The following SYNPO variants were observed in gnomAD, a reference collection of about 807,000 sequenced individuals.
SYNPO encodes the protein synaptopodin.
SYNPO carries 19 observed loss-of-function variants against 49.5 expected under a neutral mutation model. That is an observed-to-expected ratio of 0.38 (90% CI 0.27 to 0.56). The LOEUF (loss-of-function observed/expected upper bound fraction) is 0.56, where lower values mean the gene tolerates loss of function less well. SYNPO is among the 20% of genes least tolerant of loss of function. SYNPO has a pLI of 0.68. For missense variants in SYNPO, 1,131 were observed against 1,248.3 expected, an observed-to-expected ratio of 0.91 and a Z score of 1.42; for synonymous variants, 536 against 548.0, an observed-to-expected ratio of 0.98 and a Z score of 0.31.
At chr5:150,618,231 G>A in exon 2 of SYNPO, 1 of 1,108,150 alleles carries the variant, frequency 9.0e-7, no homozygotes, top group Non-Finnish European at 1.3e-6. Context: ...TGAATCAGCG[G>A]AGGAAGGCAA....
chr5:150,613,357 A>G (rs1248023506), intron 1 of SYNPO, among the ~76,000 whole-genome samples: 2 of 152,070 alleles, frequency 1.3e-5, no homozygotes, highest in Non-Finnish European at 2.9e-5. Context: ...CAGCCCTTCC[A>G]TACATGCCCT....
At chr5:150,605,289 G>T (rs528362734) in intron 1 of SYNPO, among the ~76,000 whole-genome samples, 1,557 of 152,244 alleles carry the variant, frequency 0.01, 27 homozygotes, top group African/African-American at 0.035. Flanking sequence ...ACTACCAAAA[G>T]CACTTCTTGG....
At chr5:150,651,588 T>C in intron 2 of SYNPO, 1 of 914,858 alleles carries the variant, frequency 1.1e-6, no homozygotes, top group African/African-American at 1.8e-5. Flanking sequence ...AAGGGATGCC[T>C]GGGCTGGGCT....
upstream of SYNPO, among the ~76,000 whole-genome samples, chr5:150,598,624 T>C (rs926916830): frequency 2.0e-5 from 3 of 152,218 alleles, no homozygotes; most frequent in African/African-American, 4.8e-5. Context: ...TATCCAGATA[T>C]AGTATCCAGA....
upstream of SYNPO, among the ~76,000 whole-genome samples, chr5:150,636,462 G>T (rs548639566): frequency 6.6e-6 from 1 of 152,172 alleles, no homozygotes; most frequent in African/African-American, 2.4e-5. Context: ...GCCCCAAGAG[G>T]GTCAGGGATC....
chr5:150,586,180 C>T, the SYNPO span, among the ~76,000 whole-genome samples: 2 of 152,212 alleles, frequency 1.3e-5, no homozygotes, highest in East Asian at 1.9e-4. Flanking sequence ...GCTGGAAAAT[C>T]GGGAAGGGAG....
chr5:150,637,236 C>T (rs1266783198), upstream of SYNPO, among the ~76,000 whole-genome samples: 4 of 152,008 alleles, frequency 2.6e-5, no homozygotes, highest in East Asian at 1.9e-4. Flanking sequence ...TGAATGGATT[C>T]GGGAGTGAGG....
At position 150,607,438 on chromosome 5, in the gene SYNPO, C is replaced by T. The variant is rs1027750920; in HGVS notation, c.-266+6250C>T. On this transcript the variant is annotated intron_variant, in intron 1 of 2. Coordinates refer to the SYNPO transcript ENST00000394243. Reference sequence around the variant, plus strand: ...CTCTGCTTGTTTACCACAAGTGACACGGAGCTCAGTACCTATTGAGGCACG... The same window carrying T: ...CTCTGCTTGTTTACCACAAGTGACATGGAGCTCAGTACCTATTGAGGCACG... Among the ~76,000 whole-genome samples the T allele has an allele frequency of 3.9e-5, 6 of 152,136 alleles. No individual in the cohort carries two copies. In the East Asian group the frequency reaches 1.2e-3, roughly 29 times the overall value.
upstream of SYNPO, among the ~76,000 whole-genome samples, chr5:150,639,401 A>G (rs2151399694): frequency 6.6e-6 from 1 of 152,354 alleles, no homozygotes; most frequent in South Asian, 2.1e-4. Context: ...GCCAGGTTGA[A>G]CAGGGGAGGA....
At chr5:150,602,183 C>A (rs1334732439) in intron 1 of SYNPO, among the ~76,000 whole-genome samples, 1 of 152,202 alleles carries the variant, frequency 6.6e-6, no homozygotes. Flanking sequence ...TGACCTGAGT[C>A]CTGGATCATC....
upstream of SYNPO, among the ~76,000 whole-genome samples, chr5:150,597,320 G>GTTGTT (rs570975954): frequency 4.2e-3 from 634 of 152,232 alleles, no homozygotes; most frequent in African/African-American, 0.013. Flanking sequence ...ATTTGGTTTT[G>GTTGTT]TTGTTTTGTT....
upstream of SYNPO, among the ~76,000 whole-genome samples, chr5:150,636,005 T>C (rs1248611735): frequency 1.3e-5 from 2 of 152,218 alleles, no homozygotes; most frequent in Non-Finnish European, 1.5e-5. Context: ...TTACAGTCCA[T>C]ATATCTCCAG....
chr5:150,622,852 A>G (rs1757223794), intron 2 of SYNPO, among the ~76,000 whole-genome samples: 1 of 152,204 alleles, frequency 6.6e-6, no homozygotes, highest in Non-Finnish European at 1.5e-5. Context: ...AGGTTCACAT[A>G]CACCTCACCA....
chr5:150,656,190 C>T (rs189195906), intron 2 of SYNPO, among the ~76,000 whole-genome samples: 38 of 152,146 alleles, frequency 2.5e-4, no homozygotes, highest in African/African-American at 9.2e-4. Flanking sequence ...AGCGAGTCTT[C>T]TTAACACGGA....
the SYNPO span, among the ~76,000 whole-genome samples, chr5:150,593,344 C>T: frequency 3.0e-4 from 45 of 152,290 alleles, 1 homozygote; most frequent in African/African-American, 9.9e-4. Context: ...GGCAGAGCCC[C>T]GGAGACCTGG....
At chr5:150,586,534 A>T in the SYNPO span, among the ~76,000 whole-genome samples, 1 of 151,796 alleles carries the variant, frequency 6.6e-6, no homozygotes, top group Admixed American at 6.6e-5. Flanking sequence ...AGGTAGGTGG[A>T]TAAATAGACA....
At chr5:150,587,050 A>G in the SYNPO span, among the ~76,000 whole-genome samples, 3 of 152,092 alleles carry the variant, frequency 2.0e-5, no homozygotes, top group Middle Eastern at 3.2e-3. Context: ...ATATATGTAT[A>G]TGTGGATTCA....
upstream of SYNPO, among the ~76,000 whole-genome samples, chr5:150,636,309 T>C (rs544362425): frequency 1.5e-3 from 225 of 152,332 alleles, no homozygotes; most frequent in African/African-American, 5.1e-3. Flanking sequence ...CAATTCACAT[T>C]TGAAATGTAT....
At chr5:150,620,999 C>A (rs1757154867) in intron 2 of SYNPO, among the ~76,000 whole-genome samples, 1 of 139,850 alleles carries the variant, frequency 7.2e-6, no homozygotes, top group Admixed American at 7.6e-5. Flanking sequence ...GTCGCCCAGG[C>A]TGGAGTGCAG....
Sources: allele counts gnomAD v4.1 joint callset (sites outside exome capture counted in the v4.1 genomes callset), GRCh38; gene constraint gnomAD v4.1.1; transcripts MANE v1.5; gene names NCBI Gene and HGNC (gene_info 2026-07-23, HGNC 2026-07-21).